Variants in CSMD1 observed in about 807,000 individuals in gnomAD.
CSMD1 encodes CUB and Sushi multiple domains 1, also known as CUB and sushi domain-containing protein 1.
In CSMD1, 213 loss-of-function variants were observed where a neutral mutation model predicts 417.5. The observed-to-expected ratio is 0.51, with a 90% CI of 0.46 to 0.57. The LOEUF is 0.57. Ranked by LOEUF, CSMD1 falls within the 20% of genes least tolerant of loss-of-function variation. The probability of loss-of-function intolerance (pLI) is 0.00; values close to 1 mark genes in which losing one functional copy is unlikely to be tolerated. For synonymous variants in CSMD1, 2,862 were observed against 1,736.8 expected, an observed-to-expected ratio of 1.65 and a Z score of -16.11; for missense variants, 6,923 against 4,529.7, an observed-to-expected ratio of 1.53 and a Z score of -15.17.
At chr8:3,673,219 C>A (rs148775902) in intron 7 of CSMD1, among the ~76,000 whole-genome samples, 8 of 152,308 alleles carry the variant, frequency 5.3e-5, no homozygotes, top group African/African-American at 1.7e-4. Flanking sequence ...TGTGCATGAA[C>A]CACAATAAAC....
At chr8:4,035,005 G>T (rs1382707326) in intron 3 of CSMD1, among the ~76,000 whole-genome samples, 1 of 152,108 alleles carries the variant, frequency 6.6e-6, no homozygotes, top group South Asian at 2.1e-4. Flanking sequence ...TGTTAAAAGG[G>T]CCTGAAATTA....
intron 2 of CSMD1, among the ~76,000 whole-genome samples, chr8:4,592,837 T>C (rs1475598348): frequency 6.6e-6 from 1 of 152,222 alleles, no homozygotes; most frequent in African/African-American, 2.4e-5. Flanking sequence ...ATCATTGTAA[T>C]ACTATTGAAA....
At chr8:2,988,802 A>C (rs1806143393) in intron 54 of CSMD1, among the ~76,000 whole-genome samples, 1 of 152,174 alleles carries the variant, frequency 6.6e-6, no homozygotes, top group Non-Finnish European at 1.5e-5. Context: ...GATCACAAGC[A>C]CTGCAGGGCT....
chr8:3,934,506 T>C (rs1040694088), intron 5 of CSMD1, among the ~76,000 whole-genome samples: 1 of 152,146 alleles, frequency 6.6e-6, no homozygotes, highest in African/African-American at 2.4e-5. Context: ...GAAGGAAAGG[T>C]AATGAGGCCA....
At chr8:4,494,395 T>C (rs934372105) in intron 2 of CSMD1, among the ~76,000 whole-genome samples, 1 of 152,224 alleles carries the variant, frequency 6.6e-6, no homozygotes, top group Non-Finnish European at 1.5e-5. Context: ...AGATTTTCTA[T>C]TTTAATATTC....
chr8:3,546,826 G>A (rs111820621), intron 10 of CSMD1, among the ~76,000 whole-genome samples: 25 of 152,284 alleles, frequency 1.6e-4, no homozygotes, highest in African/African-American at 5.1e-4. Flanking sequence ...TACTTCCAGT[G>A]ATGTTATTAC....
intron 8 of CSMD1, among the ~76,000 whole-genome samples, chr8:3,588,131 C>A (rs1015023002): frequency 6.7e-6 from 1 of 150,282 alleles, no homozygotes; most frequent in Non-Finnish European, 1.5e-5. Flanking sequence ...GTATCAGTCT[C>A]CAGTTCTTTC....
At chr8:3,826,546 C>G (rs1802064839) in intron 5 of CSMD1, among the ~76,000 whole-genome samples, 1 of 152,098 alleles carries the variant, frequency 6.6e-6, no homozygotes, top group African/African-American at 2.4e-5. Context: ...CAAGTCCCGG[C>G]TGATATGAGC....
chr8:3,246,108 A>C (rs974285323), intron 26 of CSMD1, among the ~76,000 whole-genome samples: 1 of 152,154 alleles, frequency 6.6e-6, no homozygotes, highest in Non-Finnish European at 1.5e-5. Context: ...TCTGCTAAGA[A>C]GGCACATCGG....
intron 1 of CSMD1, among the ~76,000 whole-genome samples, chr8:4,641,327 T>A (rs972337211): frequency 1.3e-5 from 2 of 152,114 alleles, no homozygotes; most frequent in East Asian, 3.9e-4. Flanking sequence ...TCTAAAGTAA[T>A]CAGCAGAATG....
At chr8:3,094,728 T>C (rs534672761) in intron 47 of CSMD1, among the ~76,000 whole-genome samples, 279 of 136,074 alleles carry the variant, frequency 2.1e-3, no homozygotes, top group African/African-American at 7.7e-3. Context: ...ACTCTTGAGA[T>C]AATAAAGTAT....
chr8:3,828,825 CTT>C (rs1011482182), intron 5 of CSMD1, among the ~76,000 whole-genome samples: 1 of 152,086 alleles, frequency 6.6e-6, no homozygotes, highest in Non-Finnish European at 1.5e-5. Context: ...ATGCCTCACT[CTT>C]GATTGCAAAA....
intron 3 of CSMD1, among the ~76,000 whole-genome samples, chr8:4,128,060 A>G (rs1802870860): frequency 6.6e-6 from 1 of 152,206 alleles, no homozygotes; most frequent in Admixed American, 6.5e-5. Context: ...TCTCAAGAGC[A>G]GTGGACAAGA....
chr8:3,468,688 C>G (rs1276268155), intron 12 of CSMD1, 24 bp downstream of exon 12: 6 of 1,473,550 alleles, frequency 4.1e-6, no homozygotes, highest in East Asian at 2.3e-5. Context: ...ACTTCCAACC[C>G]TGTGAAGTGT....
chr8:3,951,064 T>A (rs1417419670), intron 5 of CSMD1, among the ~76,000 whole-genome samples: 1 of 152,236 alleles, frequency 6.6e-6, no homozygotes, highest in Non-Finnish European at 1.5e-5. Flanking sequence ...TTCAACTATT[T>A]GAAAATAATA....
At chr8:4,668,050 G>A (rs1002992312) in intron 1 of CSMD1, among the ~76,000 whole-genome samples, 1 of 152,060 alleles carries the variant, frequency 6.6e-6, no homozygotes, top group Non-Finnish European at 1.5e-5. Context: ...CTCTTATTTT[G>A]TAACATTAAC....
intron 26 of CSMD1, among the ~76,000 whole-genome samples, chr8:3,280,410 C>T (rs527434284): frequency 6.6e-6 from 1 of 152,210 alleles, no homozygotes; most frequent in South Asian, 2.1e-4. Flanking sequence ...CTAGACTATG[C>T]TTTTTAAATG....
chr8:3,651,370 C>A (rs369825133), intron 7 of CSMD1, among the ~76,000 whole-genome samples: 1 of 152,084 alleles, frequency 6.6e-6, no homozygotes, highest in African/African-American at 2.4e-5. Context: ...GGTCTTCTGT[C>A]TCCTCTTCAT....
chr8:4,941,094 G>A (rs1563822777), intron 1 of CSMD1, among the ~76,000 whole-genome samples: 1 of 152,034 alleles, frequency 6.6e-6, no homozygotes, highest in Non-Finnish European at 1.5e-5. Context: ...TAATTATATT[G>A]AATTTTGGAG....
Sources: gnomAD v4.1 joint callset for allele counts (sites outside exome capture counted in the v4.1 genomes callset) on GRCh38, gnomAD v4.1.1 for gene constraint, MANE v1.5 for transcripts, NCBI Gene and HGNC (gene_info 2026-07-23, HGNC 2026-07-21) for gene names.